The following SYNE1 variants were observed in gnomAD, a reference collection of about 807,000 sequenced individuals.
SYNE1 encodes spectrin repeat containing nuclear envelope protein 1.
Under a neutral mutation model 1,111.0 loss-of-function variants are expected in SYNE1, and 616 were observed. The ratio of observed to expected loss-of-function variants is 0.55; its 90% CI spans 0.52 to 0.59. The LOEUF is 0.59. Ranked by LOEUF, SYNE1 falls within the 20% of genes least tolerant of loss-of-function variation. The pLI, the probability that SYNE1 is intolerant of heterozygous loss-of-function variation, is 0.00. For synonymous variants in SYNE1, 3,855 were observed against 3,825.8 expected (o/e 1.01, Z -0.28); for missense variants, 10,006 against 10,417.0 (o/e 0.96, Z 1.72).
intron 3 of SYNE1, among the ~76,000 whole-genome samples, chr6:152,600,958 T>C (rs540385933): frequency 6.6e-6 from 1 of 152,374 alleles, no homozygotes; most frequent in East Asian, 1.9e-4. Flanking sequence ...TCATCTTTTC[T>C]AGATGGGAAA....
At position 152,362,936 on chromosome 6, in the gene SYNE1, A is replaced by G. The variant is rs367547946; in HGVS notation, c.10146-613T>C. Among the ~76,000 whole-genome samples the G allele has an allele frequency of 4.6e-4, 70 of 151,366 alleles. 1 individual carries two copies. The East Asian group carries it at 6.2e-3, about 14-fold the overall frequency. On this transcript the variant is annotated intron_variant, in intron 63 of 145. Transcript: ENST00000367255. Reference sequence around the variant, plus strand: ...GGCCGTCTCACCCAGGCTGGAGTGCAGTGGCGCGATCTCGGCTCACTGCAA... The same window carrying G: ...GGCCGTCTCACCCAGGCTGGAGTGCGGTGGCGCGATCTCGGCTCACTGCAA...
rs759889248 is a variant in SYNE1 at position 152,334,227 on chromosome 6, A to G, written c.12575T>C (p.Ile4192Thr). ...TGTTAACTTATTCACCTTTTCTATT[A>G]TGGTGTTCACGGATGCCTGTTTGCT... ...LQSKQASVNT[I>T]IEKVNKLTKK... is the part of the protein sequence containing the mutation. The change falls in exon 77 of 146, where the codon ATA (isoleucine) becomes ACA (threonine). Residue 4192 changes from isoleucine (I) to threonine (T), a missense_variant. By Grantham distance (89) the Ile-to-Thr change is moderately conservative. This residue lies in a region of SYNE1 where 4,955 missense variants were observed against 5,017.2 expected (regional missense o/e 0.99). Coordinates refer to ENST00000367255, the MANE Select transcript of SYNE1 (RefSeq NM_182961.4). The G allele has an allele frequency of 2.7e-5, 44 of 1,613,912 alleles. No homozygotes were observed. The highest frequency in any genetic ancestry group is 3.6e-5 in the Non-Finnish European group (42 of 1,180,010).
chr6:152,480,639 G>C (rs1042708708), intron 14 of SYNE1: 3 of 353,058 alleles, frequency 8.5e-6, no homozygotes, highest in African/African-American at 6.5e-5. Context: ...ATTGTTTTAT[G>C]AGCTACTTTA....
At chr6:152,291,033 C>T (rs1250616173) in intron 95 of SYNE1, among the ~76,000 whole-genome samples, 1 of 148,254 alleles carries the variant, frequency 6.7e-6, no homozygotes, top group East Asian at 2.0e-4. Flanking sequence ...CTTTCCCTCT[C>T]ATTAGAACAT....
chr6:152,534,979 G>T (rs562217384), intron 4 of SYNE1, among the ~76,000 whole-genome samples: 15 of 152,338 alleles, frequency 9.8e-5, no homozygotes, highest in African/African-American at 3.6e-4. Context: ...TCTGTTATAG[G>T]TTGAATTGTG....
intron 145 of SYNE1, among the ~76,000 whole-genome samples, chr6:152,124,604 G>A (rs1585387258): frequency 6.6e-6 from 1 of 151,972 alleles, no homozygotes; most frequent in South Asian, 2.1e-4. Flanking sequence ...AATCTCCCAA[G>A]AAGCCACAAG....
intron 3 of SYNE1, among the ~76,000 whole-genome samples, chr6:152,587,240 T>C (rs1350709168): frequency 6.6e-6 from 1 of 152,174 alleles, no homozygotes; most frequent in Non-Finnish European, 1.5e-5. Context: ...TTTTCCACAA[T>C]TTTTGCATTC....
chr6:152,534,028 G>A (rs1158479016), intron 4 of SYNE1, among the ~76,000 whole-genome samples: 2 of 151,718 alleles, frequency 1.3e-5, no homozygotes, highest in Non-Finnish European at 1.5e-5. Flanking sequence ...GCATGGCGGT[G>A]GGCTCCTGTA....
intron 63 of SYNE1, among the ~76,000 whole-genome samples, chr6:152,362,885 G>GTT (rs547177663): frequency 6.9e-6 from 1 of 145,676 alleles, no homozygotes. Context: ...ACACATGCTA[G>GTT]TTTTTTTTTT....
At chr6:152,304,404 G>A (rs1345092459) in intron 91 of SYNE1, among the ~76,000 whole-genome samples, 26 of 152,128 alleles carry the variant, frequency 1.7e-4, no homozygotes, top group Admixed American at 1.6e-3. Flanking sequence ...GCGCAATCTC[G>A]GCTCACTGCA....
At chr6:152,129,497 A>G (rs1468805915) in intron 145 of SYNE1, 1 of 151,884 alleles carries the variant, frequency 6.6e-6, no homozygotes, top group African/African-American at 2.4e-5. Context: ...GCTCGTCATT[A>G]TCTTCAAAAG....
intron 59 of SYNE1, among the ~76,000 whole-genome samples, chr6:152,372,387 A>T (rs1200833166): frequency 6.6e-6 from 1 of 152,192 alleles, no homozygotes; most frequent in Non-Finnish European, 1.5e-5. Context: ...AATGGTCACA[A>T]ACAAATGAAG....
intron 3 of SYNE1, among the ~76,000 whole-genome samples, chr6:152,587,904 T>C (rs1218261399): frequency 6.6e-6 from 1 of 152,206 alleles, no homozygotes; most frequent in Non-Finnish European, 1.5e-5. Context: ...CTATAAATTA[T>C]GATTTTGGGA....
intron 131 of SYNE1, among the ~76,000 whole-genome samples, chr6:152,162,643 T>C (rs1008284546): frequency 6.6e-6 from 1 of 152,200 alleles, no homozygotes; most frequent in African/African-American, 2.4e-5. Flanking sequence ...CAGAAAACTT[T>C]AATTTCATAA....
intron 129 of SYNE1, among the ~76,000 whole-genome samples, chr6:152,179,655 TA>T: frequency 6.7e-6 from 1 of 149,174 alleles, no homozygotes; most frequent in African/African-American, 2.5e-5. Flanking sequence ...TATGCAAGTT[TA>T]TTTTATGCTG....
chr6:152,310,955 CCTGTGT>C, intron 87 of SYNE1, 82 bp from the exon 88 acceptor site: 1 of 1,424,844 alleles, frequency 7.0e-7, no homozygotes, highest in Non-Finnish European at 9.7e-7. Flanking sequence ...CATAAAATGC[CCTGTGT>C]AAGTTCTGTG....
chr6:152,231,996 C>G, intron 113 of SYNE1, 120 bp downstream of exon 113: 1 of 725,922 alleles, frequency 1.4e-6, no homozygotes, highest in Non-Finnish European at 2.3e-6. Flanking sequence ...GAATTCCTAT[C>G]TGGTCACTGT....
In SYNE1 at chr6:152,149,353, A is replaced by G. The variant is rs1020131780; in HGVS notation, c.24642+124T>C. 6 of 1,137,024 alleles carry G rather than the reference A, an allele frequency of 5.3e-6. No individual in the cohort carries two copies. The African/African-American group carries it at 9.2e-5, about 17-fold the overall frequency. The allele number at this position is 1,137,024 out of a possible 1,614,324, so 70.4% of individuals were successfully genotyped here. ...GACAGCGACAATGTAGGACAAAGCT[A>G]GGACTTGAACTCAGGTGCTCCAGCT... is the stretch of plus-strand genomic sequence containing the variant. On this transcript the variant is annotated intron_variant, in intron 136 of 145. Coordinates refer to ENST00000367255, the MANE Select transcript of SYNE1 (RefSeq NM_182961.4).
At chr6:152,389,416 C>A (rs1242907437) in intron 53 of SYNE1, among the ~76,000 whole-genome samples, 1 of 152,042 alleles carries the variant, frequency 6.6e-6, no homozygotes. Context: ...GAACTTTAAT[C>A]TTCTATTCAT....
Sources: gnomAD v4.1 joint callset for allele counts (sites outside exome capture counted in the v4.1 genomes callset) on GRCh38, gnomAD v4.1.1 for gene constraint, gnomAD v4.1.1 regional missense constraint, MANE v1.5 for transcripts, NCBI Gene and HGNC (gene_info 2026-07-23, HGNC 2026-07-21) for gene names.